Variants in CCAR1 observed in about 807,000 individuals in gnomAD.
The protein encoded by CCAR1 is cell division cycle and apoptosis regulator 1, also known as cell division cycle and apoptosis regulator protein 1.
CCAR1 carries 78 observed loss-of-function variants against 163.8 expected under a neutral mutation model. The observed-to-expected ratio is 0.48, with a 90% confidence interval of 0.40 to 0.57. The LOEUF is 0.57. CCAR1 is among the 20% of genes least tolerant of loss of function. CCAR1 has a pLI of 0.00. For missense variants in CCAR1, 1,019 were observed against 1,365.2 expected, an observed-to-expected ratio of 0.75 and a Z score of 4.00; for synonymous variants, 443 against 460.7, an observed-to-expected ratio of 0.96 and a Z score of 0.49.
chr10:68,744,468 G>A (rs918931473), intron 6 of CCAR1, among the ~76,000 whole-genome samples: 6 of 152,074 alleles, frequency 3.9e-5, no homozygotes, highest in African/African-American at 1.4e-4. Context: ...TCTCTAAGAC[G>A]CAAAAATATT....
chr10:68,726,635 C>T (rs946531544), intron 2 of CCAR1, among the ~76,000 whole-genome samples: 2 of 152,022 alleles, frequency 1.3e-5, no homozygotes, highest in African/African-American at 4.8e-5. Context: ...GTGTGATAAT[C>T]CTTATTTTTC....
At chr10:68,744,774 T>C (rs2056229914) in intron 6 of CCAR1, among the ~76,000 whole-genome samples, 1 of 151,780 alleles carries the variant, frequency 6.6e-6, no homozygotes, top group African/African-American at 2.4e-5. Context: ...TTTAAACTCA[T>C]GTTTATAAGG....
chr10:68,739,114 A>G (rs547309425), intron 4 of CCAR1, among the ~76,000 whole-genome samples: 26 of 152,254 alleles, frequency 1.7e-4, no homozygotes, highest in African/African-American at 6.3e-4. Context: ...TGAAATACAG[A>G]TATGCTTTAG....
At chr10:68,748,001 G>A (rs1048436775) in intron 8 of CCAR1, among the ~76,000 whole-genome samples, 1 of 152,028 alleles carries the variant, frequency 6.6e-6, no homozygotes, top group Non-Finnish European at 1.5e-5. Context: ...CTACAGTCAT[G>A]TGCCACCATG....
chr10:68,757,239 T>C, intron 14 of CCAR1, 55 bp from the exon 15 acceptor site: 1 of 923,854 alleles, frequency 1.1e-6, no homozygotes, highest in South Asian at 1.4e-5. Flanking sequence ...AAAAATAAAT[T>C]ATTTTTATTT....
intron 16 of CCAR1, 114 bp from the exon 17 acceptor site, chr10:68,765,774 T>G: frequency 1.4e-6 from 1 of 700,474 alleles, no homozygotes; most frequent in East Asian, 2.7e-5. Flanking sequence ...TGAAGAGTCA[T>G]GGGAATTTTG....
intron 23 of CCAR1, 68 bp downstream of exon 23, chr10:68,788,396 G>A (rs960255539): frequency 4.9e-5 from 54 of 1,095,636 alleles, no homozygotes; most frequent in Non-Finnish European, 6.4e-5. Flanking sequence ...GTTTATGTGT[G>A]TACATACATA....
At position 68,783,820 on chromosome 10, in the gene CCAR1, C is replaced by G. The variant is rs892642334; in HGVS notation, c.2651-2316C>G. Among the ~76,000 whole-genome samples the G allele has an allele frequency of 6.0e-5, 9 of 150,164 alleles. No individual in the cohort carries two copies. The East Asian group carries it at 1.8e-3, about 30-fold the overall frequency. ...TCGCCCAGGCTAGAGTGCAGTGGCG[C>G]GATCTCAGCTCACTGCAAGCTCCGC... is the stretch of plus-strand genomic sequence containing the variant. On this transcript the variant is annotated intron_variant, in intron 19 of 24. Coordinates refer to ENST00000265872, the MANE Select transcript of CCAR1 (RefSeq NM_018237.4).
chr10:68,784,332 C>T (rs982157936), intron 19 of CCAR1, among the ~76,000 whole-genome samples: 1 of 152,048 alleles, frequency 6.6e-6, no homozygotes, highest in Non-Finnish European at 1.5e-5. Flanking sequence ...TCTCCAGCCT[C>T]AGCCTCCTGA....
intron 10 of CCAR1, among the ~76,000 whole-genome samples, chr10:68,752,929 TAGATAGATA>T (rs1564538861): frequency 0.011 from 1,638 of 149,872 alleles, 32 homozygotes; most frequent in African/African-American, 0.038. Context: ...GATAGATAGA[TAGATAGATA>T]GATTCTGTCT....
chr10:68,747,135 CTTTT>C, intron 6 of CCAR1, 22 bp from the exon 7 acceptor site: 2 of 1,194,996 alleles, frequency 1.7e-6, no homozygotes, highest in Non-Finnish European at 2.4e-6. Context: ...TTATATTTAA[CTTTT>C]TTTTTCTTTT....
At chr10:68,731,591 G>GTTTTTTTTTTTTTTTTTTTTTTTT (rs67032408) in intron 2 of CCAR1, among the ~76,000 whole-genome samples, 2 of 75,624 alleles carry the variant, frequency 2.6e-5, no homozygotes, top group African/African-American at 1.1e-4. Flanking sequence ...TCTTGTTTCT[G>GTTTTTTTTTTTTTTTTTTTTTTTT]TTTTTTTTTT....
chr10:68,729,308 C>T (rs553818283), intron 2 of CCAR1, among the ~76,000 whole-genome samples: 7 of 145,736 alleles, frequency 4.8e-5, no homozygotes, highest in East Asian at 4.0e-4. Flanking sequence ...CTTGCTCTGT[C>T]GCCCATGCTG....
At chr10:68,730,080 C>T (rs1157890901) in intron 2 of CCAR1, among the ~76,000 whole-genome samples, 1 of 151,822 alleles carries the variant, frequency 6.6e-6, no homozygotes, top group East Asian at 1.9e-4. Flanking sequence ...TGCCACCACA[C>T]CCAGCTAATT....
At chr10:68,772,416 G>A (rs2056614601) in intron 18 of CCAR1, among the ~76,000 whole-genome samples, 1 of 151,914 alleles carries the variant, frequency 6.6e-6, no homozygotes, top group Non-Finnish European at 1.5e-5. Context: ...CCAGGAGTTG[G>A]AGGCTGCAGT....
At chr10:68,777,438 T>A (rs1036294093) in intron 19 of CCAR1, among the ~76,000 whole-genome samples, 1 of 151,884 alleles carries the variant, frequency 6.6e-6, no homozygotes, top group East Asian at 1.9e-4. Flanking sequence ...CTCAGCACTT[T>A]GTGGGAGGCC....
intron 15 of CCAR1, among the ~76,000 whole-genome samples, chr10:68,758,840 T>C (rs1380233291): frequency 6.6e-6 from 1 of 151,574 alleles, no homozygotes; most frequent in Non-Finnish European, 1.5e-5. Context: ...GCCTGACTAA[T>C]TTTTGTATGT....
intron 19 of CCAR1, 126 bp from the exon 20 acceptor site, chr10:68,786,010 A>G (rs1170721684): frequency 9.3e-6 from 6 of 648,472 alleles, no homozygotes; most frequent in Non-Finnish European, 1.7e-5. Context: ...TGGTATAGTC[A>G]TAGCTCACTA....
At chr10:68,766,731 G>C (rs1031620481) in intron 17 of CCAR1, among the ~76,000 whole-genome samples, 35 of 151,522 alleles carry the variant, frequency 2.3e-4, no homozygotes, top group African/African-American at 7.0e-4. Flanking sequence ...TCTCCATGTT[G>C]GTCACGCTGG....
Sources: allele counts gnomAD v4.1 joint callset (sites outside exome capture counted in the v4.1 genomes callset), GRCh38; gene constraint gnomAD v4.1.1; transcripts MANE v1.5; gene names NCBI Gene and HGNC (gene_info 2026-07-23, HGNC 2026-07-21).